EXOC6B: variants seen among roughly 807,000 people sequenced by gnomAD.
EXOC6B encodes the protein SEC15 homolog B.
Under a neutral mutation model 113.5 loss-of-function variants are expected in EXOC6B, and 54 were observed. That is an observed-to-expected ratio of 0.48 (90% CI 0.38 to 0.60). The LOEUF (loss-of-function observed/expected upper bound fraction) is 0.60, where lower values mean the gene tolerates loss of function less well. Ranked by LOEUF, EXOC6B falls within the 20% of genes least tolerant of loss-of-function variation. The pLI is 0.00. For missense variants in EXOC6B, 797 were observed against 977.5 expected (o/e 0.82, Z 2.46); for synonymous variants, 357 against 339.0 (o/e 1.05, Z -0.58).
intron 21 of EXOC6B, among the ~76,000 whole-genome samples, chr2:72,183,094 T>C (rs748702270): frequency 6.6e-6 from 1 of 152,164 alleles, no homozygotes; most frequent in African/African-American, 2.4e-5. Context: ...TCATATTACA[T>C]AGTAAGAAGG....
intron 19 of EXOC6B, among the ~76,000 whole-genome samples, chr2:72,359,474 T>C (rs1690171129): frequency 1.3e-5 from 2 of 152,296 alleles, no homozygotes; most frequent in South Asian, 4.1e-4. Flanking sequence ...GCCTTGATCT[T>C]AAACTTCCAG....
At chr2:72,247,101 G>T (rs1335109994) in intron 20 of EXOC6B, among the ~76,000 whole-genome samples, 1 of 152,220 alleles carries the variant, frequency 6.6e-6, no homozygotes, top group Non-Finnish European at 1.5e-5. Context: ...AAATGCAGAA[G>T]ATAGGACTTT....
chr2:72,427,611 G>A (rs999519588), intron 18 of EXOC6B, among the ~76,000 whole-genome samples: 1 of 152,202 alleles, frequency 6.6e-6, no homozygotes, highest in Admixed American at 6.5e-5. Context: ...TGGGGAACAT[G>A]AGGGGGTGCT....
At chr2:72,807,508 CT>C (rs1409527616) in intron 1 of EXOC6B, among the ~76,000 whole-genome samples, 1 of 152,064 alleles carries the variant, frequency 6.6e-6, no homozygotes, top group Non-Finnish European at 1.5e-5. Flanking sequence ...ATTCAGGCTC[CT>C]TTTTGGTTCC....
At chr2:72,741,800 T>G (rs910521794) in intron 1 of EXOC6B, among the ~76,000 whole-genome samples, 4 of 152,202 alleles carry the variant, frequency 2.6e-5, no homozygotes, top group African/African-American at 9.6e-5. Context: ...ATCCAATTGC[T>G]CCATGAGCAT....
At chr2:72,478,916 C>T (rs1221940581) in intron 17 of EXOC6B, among the ~76,000 whole-genome samples, 2 of 152,078 alleles carry the variant, frequency 1.3e-5, no homozygotes, top group Non-Finnish European at 2.9e-5. Context: ...CACAGAAGAG[C>T]AAGTATGGAA....
intron 20 of EXOC6B, among the ~76,000 whole-genome samples, chr2:72,235,610 T>C (rs920428632): frequency 6.6e-6 from 1 of 152,192 alleles, no homozygotes; most frequent in African/African-American, 2.4e-5. Context: ...AGCTTCTAGA[T>C]GATGCTGTCT....
At chr2:72,373,949 C>A (rs892042185) in intron 19 of EXOC6B, among the ~76,000 whole-genome samples, 1 of 152,114 alleles carries the variant, frequency 6.6e-6, no homozygotes, top group Non-Finnish European at 1.5e-5. Context: ...GGTGAAACTC[C>A]ATCTCTGCTA....
intron 1 of EXOC6B, among the ~76,000 whole-genome samples, chr2:72,796,580 T>C (rs888849987): frequency 2.0e-5 from 3 of 152,028 alleles, no homozygotes; most frequent in African/African-American, 7.2e-5. Flanking sequence ...CCTGAACACA[T>C]ATTAGGCACT....
At chr2:72,361,650 A>G (rs977002410) in intron 19 of EXOC6B, among the ~76,000 whole-genome samples, 1 of 152,164 alleles carries the variant, frequency 6.6e-6, no homozygotes. Context: ...GGGTTCAGTG[A>G]GATCTCTTTA....
chr2:72,484,269 G>A (rs1310967422), intron 16 of EXOC6B, among the ~76,000 whole-genome samples: 2 of 151,222 alleles, frequency 1.3e-5, no homozygotes, highest in Non-Finnish European at 2.9e-5. Flanking sequence ...TTAAAGATCC[G>A]TCCCCTCAGC....
intron 19 of EXOC6B, among the ~76,000 whole-genome samples, chr2:72,359,184 G>T (rs1055369805): frequency 2.0e-5 from 3 of 152,128 alleles, no homozygotes; most frequent in African/African-American, 4.8e-5. Flanking sequence ...TTGTTTGAAT[G>T]TTAGTGTCCA....
At position 72,179,204 on chromosome 2, in the gene EXOC6B, C is replaced by A; in HGVS notation, c.*131G>T. 3 of 1,029,346 alleles carry A rather than the reference C, an allele frequency of 2.9e-6. 1 individual carries two copies. The highest frequency in any genetic ancestry group is 6.5e-4 in the Middle Eastern group (2 of 3,056). 63.8% of individuals were successfully genotyped at this position (1,029,346 alleles called of 1,614,324 possible). ...ATAGGGAAATGTTATGTGAATACTG[C>A]ACAGGGGTTAATAAAAAAATACATA... On this transcript the variant is annotated 3_prime_UTR_variant, in exon 22 of 22. Transcript: ENST00000272427.
chr2:72,796,493 T>C (rs1478823439), intron 1 of EXOC6B, among the ~76,000 whole-genome samples: 1 of 151,124 alleles, frequency 6.6e-6, no homozygotes, highest in Non-Finnish European at 1.5e-5. Context: ...TTTAACAAGC[T>C]TGGTTTACAT....
intron 6 of EXOC6B, among the ~76,000 whole-genome samples, chr2:72,615,336 A>G (rs1220500539): frequency 1.3e-5 from 2 of 152,142 alleles, no homozygotes; most frequent in African/African-American, 2.4e-5. Context: ...TCTCATTTCT[A>G]GGACTATGCC....
intron 20 of EXOC6B, among the ~76,000 whole-genome samples, chr2:72,187,729 C>T (rs1678532576): frequency 6.6e-6 from 1 of 152,118 alleles, no homozygotes; most frequent in Non-Finnish European, 1.5e-5. Context: ...AACTGGTCCA[C>T]AGGCAGCCAA....
chr2:72,570,142 T>A (rs1428238951), intron 7 of EXOC6B, among the ~76,000 whole-genome samples: 1 of 151,974 alleles, frequency 6.6e-6, no homozygotes, highest in South Asian at 2.1e-4. Context: ...AGGACTGGTA[T>A]CCTTATAAAA....
At chr2:72,693,988 T>A (rs1169888380) in intron 6 of EXOC6B, among the ~76,000 whole-genome samples, 1 of 152,210 alleles carries the variant, frequency 6.6e-6, no homozygotes, top group Non-Finnish European at 1.5e-5. Flanking sequence ...TGAGGAAATG[T>A]GACATGAGAT....
At chr2:72,800,219 C>CTTAT (rs1685204070) in intron 1 of EXOC6B, among the ~76,000 whole-genome samples, 1 of 152,108 alleles carries the variant, frequency 6.6e-6, no homozygotes, top group South Asian at 2.1e-4. Context: ...TTATTGATCA[C>CTTAT]TTATTATTCC....
Sources: allele counts gnomAD v4.1 joint callset (sites outside exome capture counted in the v4.1 genomes callset), GRCh38; gene constraint gnomAD v4.1.1; transcripts MANE v1.5; gene names NCBI Gene and HGNC (gene_info 2026-07-23, HGNC 2026-07-21).